The following ANKS1B variants were observed in gnomAD, a reference collection of about 807,000 sequenced individuals.
ANKS1B encodes ankyrin repeat and sterile alpha motif domain-containing protein 1B.
ANKS1B carries 36 observed loss-of-function variants against 148.3 expected under a neutral mutation model. The observed-to-expected ratio is 0.24, with a 90% CI of 0.19 to 0.32. The LOEUF (loss-of-function observed/expected upper bound fraction) is 0.32, where lower values mean the gene tolerates loss of function less well. ANKS1B is among the 10% of genes least tolerant of loss of function. ANKS1B has a pLI of 1.00. For synonymous variants in ANKS1B, 542 were observed against 560.8 expected, an observed-to-expected ratio of 0.97 and a Z score of 0.47; for missense variants, 1,157 against 1,542.6, an observed-to-expected ratio of 0.75 and a Z score of 4.19.
chr12:99,588,393 G>T (rs1265766594), intron 9 of ANKS1B, among the ~76,000 whole-genome samples: 1 of 150,278 alleles, frequency 6.7e-6, no homozygotes, highest in African/African-American at 2.5e-5. Context: ...AGAAATTTGT[G>T]TTCAGAGAAA....
At chr12:99,965,355 G>A (rs1164186000) in intron 1 of ANKS1B, among the ~76,000 whole-genome samples, 1 of 151,874 alleles carries the variant, frequency 6.6e-6, no homozygotes, top group Non-Finnish European at 1.5e-5. Context: ...TTATAACCTA[G>A]GCAATAAAAC....
At chr12:99,287,151 A>T (rs1244598318) in intron 12 of ANKS1B, among the ~76,000 whole-genome samples, 1 of 152,138 alleles carries the variant, frequency 6.6e-6, no homozygotes, top group African/African-American at 2.4e-5. Context: ...AGTGATGGTG[A>T]CCATAGGGGT....
intron 17 of ANKS1B, among the ~76,000 whole-genome samples, chr12:98,987,304 T>G: frequency 6.6e-6 from 1 of 152,018 alleles, no homozygotes; most frequent in South Asian, 2.1e-4. Context: ...AATTAAAATT[T>G]TAACTTCCTT....
At chr12:99,737,820 A>C (rs1391703406) in intron 8 of ANKS1B, among the ~76,000 whole-genome samples, 1 of 151,978 alleles carries the variant, frequency 6.6e-6, no homozygotes, top group Non-Finnish European at 1.5e-5. Context: ...TAGTTCTAGC[A>C]ATTCAATTGC....
chr12:99,144,048 C>T (rs2072030830), intron 15 of ANKS1B, among the ~76,000 whole-genome samples: 1 of 152,036 alleles, frequency 6.6e-6, no homozygotes, highest in Non-Finnish European at 1.5e-5. Flanking sequence ...TACTGTGTAA[C>T]ATTTGTGAGG....
chr12:99,885,575 T>G (rs144041922), intron 1 of ANKS1B, among the ~76,000 whole-genome samples: 1 of 152,258 alleles, frequency 6.6e-6, no homozygotes, highest in African/African-American at 2.4e-5. Flanking sequence ...AGTGCTGGGA[T>G]TACAGGCTTG....
At chr12:99,660,825 G>A (rs934482392) in intron 8 of ANKS1B, among the ~76,000 whole-genome samples, 9 of 151,972 alleles carry the variant, frequency 5.9e-5, no homozygotes, top group African/African-American at 2.2e-4. Context: ...TGATCCAAAA[G>A]GCTATGCATG....
chr12:99,047,220 T>G (rs1025777583), intron 17 of ANKS1B, among the ~76,000 whole-genome samples: 1 of 152,066 alleles, frequency 6.6e-6, no homozygotes, highest in Admixed American at 6.5e-5. Context: ...GCCAACATGG[T>G]GAAACCCTAT....
chr12:98,865,830 A>G (rs61933624), intron 17 of ANKS1B, among the ~76,000 whole-genome samples: 24,162 of 152,120 alleles, frequency 0.16, 2,276 homozygotes, highest in Admixed American at 0.22. Context: ...TTGGGCTGCT[A>G]TAACAAAATG....
At chr12:99,808,465 A>C (rs975602634) in intron 3 of ANKS1B, among the ~76,000 whole-genome samples, 4 of 152,238 alleles carry the variant, frequency 2.6e-5, no homozygotes, top group Middle Eastern at 3.4e-3. Flanking sequence ...CAAGACAATC[A>C]ATGAAAAGTT....
In ANKS1B at chr12:99,318,797, G is replaced by T. The variant is rs145545250; in HGVS notation, c.1757-71933C>A. Reference sequence around the variant, plus strand: ...ATTTTAGATCTTTCCTGCTTTCTCCGGTGGGCATTTAGTGCTATAAATTTC... The same window carrying T: ...ATTTTAGATCTTTCCTGCTTTCTCCTGTGGGCATTTAGTGCTATAAATTTC... On this transcript the variant is annotated intron_variant, in intron 12 of 26. Coordinates refer to ENST00000683438, the MANE Select transcript of ANKS1B (RefSeq NM_001352186.2). Among the ~76,000 whole-genome samples, 519 of 151,276 alleles carry T rather than the reference G, an allele frequency of 3.4e-3. 1 individual carries two copies. Among genetic ancestry groups the T allele is most frequent in the African/African-American group, 0.012 (495 of 41,224 alleles).
chr12:98,748,529 C>T (rs1488115074), intron 26 of ANKS1B, among the ~76,000 whole-genome samples: 1 of 152,148 alleles, frequency 6.6e-6, no homozygotes, highest in African/African-American at 2.4e-5. Context: ...GTGGGAAGGC[C>T]TCTCCCATTT....
chr12:99,232,143 G>T lies in ANKS1B; in HGVS notation c.2419+12199C>A, dbSNP rs141682223. ...AGAGCTATGTATTTTCCAGCAAATTGTCTAAGAACTATGCTTTATCTATCC... is the reference window on the plus strand; with the variant it reads ...AGAGCTATGTATTTTCCAGCAAATTTTCTAAGAACTATGCTTTATCTATCC... On this transcript the variant is annotated intron_variant, in intron 14 of 26. Transcript: ENST00000683438. Among the ~76,000 whole-genome samples the T allele has an allele frequency of 2.0e-5, 3 of 152,202 alleles. No homozygotes were observed. In the East Asian group the frequency reaches 5.8e-4, roughly 29 times the overall value.
intron 12 of ANKS1B, among the ~76,000 whole-genome samples, chr12:99,325,713 T>C (rs2086182514): frequency 6.6e-6 from 1 of 152,136 alleles, no homozygotes; most frequent in Non-Finnish European, 1.5e-5. Context: ...GAAGCATTTC[T>C]TCAAAGAATT....
At chr12:99,506,272 TC>T (rs1596023251) in intron 9 of ANKS1B, among the ~76,000 whole-genome samples, 1 of 151,868 alleles carries the variant, frequency 6.6e-6, no homozygotes, top group East Asian at 1.9e-4. Context: ...TTGAAAAATC[TC>T]CCTAAGTATA....
intron 12 of ANKS1B, among the ~76,000 whole-genome samples, chr12:99,365,386 A>G (rs1375747857): frequency 6.6e-6 from 1 of 152,190 alleles, no homozygotes; most frequent in African/African-American, 2.4e-5. Flanking sequence ...CCACAAAAGA[A>G]ATACTGTGGT....
intron 9 of ANKS1B, among the ~76,000 whole-genome samples, chr12:99,537,194 G>A (rs777667857): frequency 6.6e-6 from 1 of 152,060 alleles, no homozygotes; most frequent in Non-Finnish European, 1.5e-5. Flanking sequence ...CCAAATCTTA[G>A]CTATTGTAAA....
chr12:99,541,472 A>C (rs2153123940), intron 9 of ANKS1B, among the ~76,000 whole-genome samples: 1 of 152,328 alleles, frequency 6.6e-6, no homozygotes, highest in East Asian at 1.9e-4. Flanking sequence ...TCAATATATG[A>C]AAAATCAACC....
intron 12 of ANKS1B, among the ~76,000 whole-genome samples, chr12:99,318,553 TTC>T (rs1454643350): frequency 2.6e-5 from 4 of 152,192 alleles, no homozygotes; most frequent in African/African-American, 4.8e-5. Flanking sequence ...TATTTGATTC[TTC>T]TCTCTTTTCT....
Sources: allele counts gnomAD v4.1 joint callset (sites outside exome capture counted in the v4.1 genomes callset), GRCh38; gene constraint gnomAD v4.1.1; transcripts MANE v1.5; gene names NCBI Gene and HGNC (gene_info 2026-07-23, HGNC 2026-07-21).